ADGRB3: variants seen among roughly 807,000 people sequenced by gnomAD.
ADGRB3 encodes the protein brain-specific angiogenesis inhibitor 3.
A neutral mutation model predicts 193.4 loss-of-function variants in ADGRB3; 37 were observed. That is an observed-to-expected ratio of 0.19 (90% CI 0.15 to 0.25). The LOEUF (loss-of-function observed/expected upper bound fraction) is 0.25. ADGRB3 is among the 10% of genes least tolerant of loss of function. The pLI is 1.00. For synonymous variants in ADGRB3, 690 were observed against 644.2 expected, an observed-to-expected ratio of 1.07 and a Z score of -1.08; for missense variants, 1,637 against 1,852.9, an observed-to-expected ratio of 0.88 and a Z score of 2.14.
chr6:68,708,626 C>T (rs576794138), intron 3 of ADGRB3, among the ~76,000 whole-genome samples: 1 of 152,242 alleles, frequency 6.6e-6, no homozygotes, highest in East Asian at 1.9e-4. Flanking sequence ...TTAAATAGAT[C>T]TAACATTTAA....
intron 20 of ADGRB3, among the ~76,000 whole-genome samples, chr6:69,249,950 G>A (rs1766585873): frequency 6.6e-6 from 1 of 152,138 alleles, no homozygotes; most frequent in Non-Finnish European, 1.5e-5. Context: ...GTTATCTTAG[G>A]CTGCTAGTGG....
intron 17 of ADGRB3, among the ~76,000 whole-genome samples, chr6:69,114,483 C>A (rs1773465628): frequency 6.6e-6 from 1 of 152,150 alleles, no homozygotes; most frequent in African/African-American, 2.4e-5. Context: ...ATGATAGTTT[C>A]TTTTGCTGTG....
intron 3 of ADGRB3, among the ~76,000 whole-genome samples, chr6:68,768,570 C>T (rs141014011): frequency 5.9e-5 from 9 of 152,206 alleles, no homozygotes; most frequent in African/African-American, 1.9e-4. Flanking sequence ...AAATGCAAGA[C>T]CTAAAATCAT....
In ADGRB3 at chr6:69,354,266, T is replaced by C. The variant is rs756857757; in HGVS notation, c.3493T>C (p.Cys1165Arg). ...TGCATTTAGATGCCGATTGAGAAAC[T>C]GTCAGGATCCCATCAATGCAGATTC... is the stretch of plus-strand genomic sequence containing the variant. ...QDAFRCRLRN[C>R]QDPINADSSS... The change falls in exon 27 of 32, where the codon TGT (cysteine) becomes CGT (arginine). Residue 1165 changes from cysteine (C) to arginine (R), a missense_variant. Cys to Arg is a radical substitution (Grantham distance 180). Transcript: ENST00000370598. 3.7e-6 allele frequency: 6 copies of C among 1,614,006 alleles called. No homozygotes were observed. Among genetic ancestry groups the C allele is most frequent in the Non-Finnish European group, 5.1e-6 (6 of 1,179,932 alleles).
intron 30 of ADGRB3, among the ~76,000 whole-genome samples, chr6:69,374,396 A>T (rs1301017013): frequency 6.6e-6 from 1 of 152,070 alleles, no homozygotes; most frequent in African/African-American, 2.4e-5. Flanking sequence ...ATTTGTATCA[A>T]GCTCCCTGAC....
At chr6:69,260,929 A>C (rs574116978) in intron 20 of ADGRB3, among the ~76,000 whole-genome samples, 56 of 152,174 alleles carry the variant, frequency 3.7e-4, no homozygotes, top group Non-Finnish European at 4.6e-4. Context: ...AAATGGACCA[A>C]ATCTGCCCTC....
intron 20 of ADGRB3, among the ~76,000 whole-genome samples, chr6:69,284,191 C>A (rs546215036): frequency 1.2e-3 from 182 of 152,216 alleles, no homozygotes; most frequent in African/African-American, 4.3e-3. Context: ...CAGTGCTGGC[C>A]TGAAGCAGAA....
intron 31 of ADGRB3, among the ~76,000 whole-genome samples, chr6:69,386,254 G>C (rs988145046): frequency 2.6e-5 from 4 of 152,038 alleles, no homozygotes; most frequent in African/African-American, 9.7e-5. Context: ...CATAACAGTT[G>C]ATCTTTGAAA....
chr6:69,092,559 G>A (rs1426220559), intron 17 of ADGRB3, among the ~76,000 whole-genome samples: 1 of 152,146 alleles, frequency 6.6e-6, no homozygotes, highest in African/African-American at 2.4e-5. Context: ...TAAGCAACAT[G>A]TGTGAAAAAG....
intron 17 of ADGRB3, among the ~76,000 whole-genome samples, chr6:69,154,794 C>A (rs1774786011): frequency 6.6e-6 from 1 of 152,288 alleles, no homozygotes; most frequent in East Asian, 1.9e-4. Context: ...GCATAGTATA[C>A]CTTAGTCTGC....
rs1276502609 is a variant in ADGRB3 at position 68,639,137 on chromosome 6, G to A, written c.462G>A (p.Glu154=). The part of the protein sequence containing the change: ...KGEEDQKSFF[E]FLVLNKVSPS... The stretch of plus-strand genomic sequence containing the variant: ...AAGAAGATCAGAAATCTTTTTTTGA[G>A]TTTTTGGTATTGAACAAGGTCAGCC... Residue 154 remains glutamate, a synonymous_variant, in exon 3 of 32, where the codon GAG becomes GAA. Coordinates refer to ENST00000370598, the MANE Select transcript of ADGRB3 (RefSeq NM_001704.3). The A allele has an allele frequency of 3.1e-6, 5 of 1,614,056 alleles. No homozygotes were observed. The highest frequency in any genetic ancestry group is 4.2e-6 in the Non-Finnish European group (5 of 1,180,016).
chr6:68,741,202 A>G (rs150192581), intron 3 of ADGRB3, among the ~76,000 whole-genome samples: 94 of 152,282 alleles, frequency 6.2e-4, no homozygotes, highest in African/African-American at 1.9e-3. Context: ...TACATTTGTT[A>G]ACACATTTAA....
chr6:69,096,906 T>C (rs1772897345), intron 17 of ADGRB3, among the ~76,000 whole-genome samples: 1 of 152,226 alleles, frequency 6.6e-6, no homozygotes, highest in African/African-American at 2.4e-5. Flanking sequence ...CCTCAAGGTC[T>C]CTCAGGAATC....
At chr6:69,165,844 G>A (rs961884259) in intron 17 of ADGRB3, among the ~76,000 whole-genome samples, 1 of 151,692 alleles carries the variant, frequency 6.6e-6, no homozygotes, top group East Asian at 1.9e-4. Flanking sequence ...ACTCTATAAG[G>A]GTATTGTTTT....
chr6:69,296,930 T>C, intron 20 of ADGRB3, among the ~76,000 whole-genome samples: 1 of 152,220 alleles, frequency 6.6e-6, no homozygotes. Context: ...GCTACTGCCT[T>C]TTAAACCAAT....
chr6:69,294,867 T>C (rs974462696), intron 20 of ADGRB3, among the ~76,000 whole-genome samples: 2 of 152,164 alleles, frequency 1.3e-5, no homozygotes, highest in Non-Finnish European at 1.5e-5. Flanking sequence ...GATTGTGTGT[T>C]TTGAAAATCC....
chr6:69,223,556 A>C (rs1407625511), intron 17 of ADGRB3, among the ~76,000 whole-genome samples: 4 of 152,200 alleles, frequency 2.6e-5, no homozygotes, highest in Non-Finnish European at 5.9e-5. Flanking sequence ...TTATAATTTC[A>C]AAAGTAAAGA....
chr6:69,118,715 T>C (rs189114307), intron 17 of ADGRB3, among the ~76,000 whole-genome samples: 3 of 147,414 alleles, frequency 2.0e-5, no homozygotes, highest in African/African-American at 7.4e-5. Context: ...ATCAGGTTAG[T>C]ACAAGAAACA....
At chr6:68,644,603 CT>C (rs1469327054) in intron 3 of ADGRB3, among the ~76,000 whole-genome samples, 1 of 152,106 alleles carries the variant, frequency 6.6e-6, no homozygotes, top group African/African-American at 2.4e-5. Context: ...TTCAGTGTTA[CT>C]GTTATTCACT....
Sources: allele counts gnomAD v4.1 joint callset (sites outside exome capture counted in the v4.1 genomes callset), GRCh38; gene constraint gnomAD v4.1.1; transcripts MANE v1.5; gene names NCBI Gene and HGNC (gene_info 2026-07-23, HGNC 2026-07-21).